The following TANGO6 variants were observed in gnomAD, a reference collection of about 807,000 sequenced individuals.
TANGO6 encodes transport and Golgi organization protein 6 homolog.
Under a neutral mutation model 114.2 loss-of-function variants are expected in TANGO6, and 90 were observed. The ratio of observed to expected loss-of-function variants is 0.79; its 90% confidence interval spans 0.66 to 0.94. The LOEUF (loss-of-function observed/expected upper bound fraction) is 0.94, where lower values mean the gene tolerates loss of function less well. Ranked by LOEUF, TANGO6 falls within the 40% of genes least tolerant of loss-of-function variation. The pLI, the probability that TANGO6 is intolerant of heterozygous loss-of-function variation, is 0.00. For missense variants in TANGO6, 1,274 were observed against 1,315.3 expected, an observed-to-expected ratio of 0.97 and a Z score of 0.49; for synonymous variants, 477 against 509.8, an observed-to-expected ratio of 0.94 and a Z score of 0.87.
chr16:69,004,600 C>T (rs1002467628), intron 15 of TANGO6, among the ~76,000 whole-genome samples: 19 of 152,238 alleles, frequency 1.2e-4, no homozygotes, highest in Non-Finnish European at 2.1e-4. Flanking sequence ...GTGATCCGCC[C>T]GCCTCAACCT....
intron 1 of TANGO6, among the ~76,000 whole-genome samples, chr16:68,851,285 G>A (rs368973150): frequency 3.3e-5 from 5 of 151,772 alleles, no homozygotes; most frequent in Non-Finnish European, 5.9e-5. Context: ...TCAGCCTCCC[G>A]AGTAACTGGG....
At chr16:68,921,607 C>CTTTTTTTTT (rs1167059062) in intron 12 of TANGO6, among the ~76,000 whole-genome samples, 1 of 57,940 alleles carries the variant, frequency 1.7e-5, no homozygotes. Flanking sequence ...TGAGAGTGTG[C>CTTTTTTTTT]TTTTTTTTTT....
At position 68,974,014 on chromosome 16, in the gene TANGO6, G is replaced by T. The variant is rs1567551299; in HGVS notation, c.2702-14G>T. On this transcript the variant is annotated splice_polypyrimidine_tract_variant and intron_variant, in intron 14 of 17. Transcript: ENST00000261778. ...AAACAGTAATGAATCCTTTCTTTTTGTTTTCAACCCCAGGGGTTGCCCTGC... is the reference window on the plus strand; with the variant it reads ...AAACAGTAATGAATCCTTTCTTTTTTTTTTCAACCCCAGGGGTTGCCCTGC... 1.9e-6 allele frequency: 3 copies of T among 1,588,558 alleles called. No individual in the cohort carries two copies. The highest frequency in any genetic ancestry group is 3.7e-5 in the Admixed American group (2 of 54,116).
At chr16:69,024,737 C>T (rs997400754) in intron 16 of TANGO6, among the ~76,000 whole-genome samples, 6 of 152,068 alleles carry the variant, frequency 3.9e-5, no homozygotes, top group African/African-American at 1.4e-4. Flanking sequence ...ATGTACATGA[C>T]CATCTTAAGT....
At chr16:68,973,054 A>T (rs998548871) in intron 14 of TANGO6, 1 of 450,334 alleles carries the variant, frequency 2.2e-6, no homozygotes, top group African/African-American at 2.0e-5. Context: ...TCAGGGAAGA[A>T]GGGAAACCAC....
At chr16:68,952,606 C>A (rs187626866) in intron 14 of TANGO6, among the ~76,000 whole-genome samples, 6 of 152,216 alleles carry the variant, frequency 3.9e-5, no homozygotes, top group Admixed American at 2.6e-4. Context: ...CATCAATTAC[C>A]CCCTCTCAGG....
chr16:69,061,606 A>G lies in TANGO6; in HGVS notation c.3108+21185A>G, dbSNP rs536283376. 2.6e-5 allele frequency among the ~76,000 whole-genome samples: 4 copies of G among 152,268 alleles called. No homozygotes were observed. In the South Asian group the frequency reaches 8.3e-4, roughly 32 times the overall value. On this transcript the variant is annotated intron_variant, in intron 17 of 17. Transcript: ENST00000261778. ...ATTTATATTTATTTATTTAGCTGTC[A>G]AAATTTTAGCATATGTATTTCCTTT...
intron 17 of TANGO6, among the ~76,000 whole-genome samples, chr16:69,058,943 T>C (rs1002455378): frequency 5.3e-5 from 8 of 151,828 alleles, no homozygotes; most frequent in African/African-American, 1.9e-4. Context: ...GTTTTGCTCT[T>C]GTCACCCAGG....
At chr16:68,889,193 A>T (rs111403814) in intron 7 of TANGO6, among the ~76,000 whole-genome samples, 8 of 152,340 alleles carry the variant, frequency 5.3e-5, no homozygotes, top group African/African-American at 1.9e-4. Context: ...GGGAGTTCCC[A>T]TATATCTATC....
intron 7 of TANGO6, among the ~76,000 whole-genome samples, chr16:68,889,236 T>A (rs1962579958): frequency 6.6e-6 from 1 of 152,230 alleles, no homozygotes; most frequent in East Asian, 1.9e-4. Context: ...TTACAATTGA[T>A]GAGCCCACCT....
intron 9 of TANGO6, among the ~76,000 whole-genome samples, chr16:68,905,190 A>C (rs948624488): frequency 1.3e-5 from 2 of 151,434 alleles, no homozygotes; most frequent in African/African-American, 4.9e-5. Flanking sequence ...AGATTGTGCC[A>C]TTGCACTCCA....
chr16:69,016,055 C>T (rs1009820495), intron 15 of TANGO6, among the ~76,000 whole-genome samples: 1 of 152,132 alleles, frequency 6.6e-6, no homozygotes, highest in Non-Finnish European at 1.5e-5. Flanking sequence ...TTGTCAACTC[C>T]CCCGCTCCTT....
At chr16:68,864,839 G>A (rs1423042832) in intron 3 of TANGO6, among the ~76,000 whole-genome samples, 2 of 152,128 alleles carry the variant, frequency 1.3e-5, no homozygotes, top group African/African-American at 2.4e-5. Flanking sequence ...TTCCTTGTAA[G>A]TCCCTTTTGA....
At chr16:68,993,873 T>A (rs1963967601) in intron 15 of TANGO6, among the ~76,000 whole-genome samples, 1 of 152,212 alleles carries the variant, frequency 6.6e-6, no homozygotes, top group African/African-American at 2.4e-5. Flanking sequence ...TCCTGATTAT[T>A]ACATTTCTGG....
chr16:68,982,250 G>A (rs1180579934), intron 15 of TANGO6, among the ~76,000 whole-genome samples: 1 of 152,016 alleles, frequency 6.6e-6, no homozygotes, highest in Non-Finnish European at 1.5e-5. Flanking sequence ...AACTCCTAGG[G>A]GCCTCATTAT....
At chr16:69,005,535 TAATCTCAGGAGGCC>T (rs762055992) in intron 15 of TANGO6, among the ~76,000 whole-genome samples, 2 of 152,132 alleles carry the variant, frequency 1.3e-5, no homozygotes, top group Non-Finnish European at 2.9e-5. Context: ...CTCATGCCTG[TAATCTCAGGAGGCC>T]AATCCCAGGA....
chr16:68,860,357 G>A lies in TANGO6; in HGVS notation c.568G>A (p.Asp190Asn), dbSNP rs779825835. 1.2e-5 allele frequency: 19 copies of A among 1,613,800 alleles called. No homozygotes were observed. The highest frequency in any genetic ancestry group is 7.7e-5 in the South Asian group (7 of 91,088). Residue 190 changes from aspartate to asparagine, a missense_variant, in exon 2 of 18, where the codon GAT (aspartate) becomes AAT (asparagine). Physicochemically the swap from Asp to Asn is conservative, Grantham distance 23. Around this residue, in one of 5 missense-constraint regions of TANGO6, gnomAD observed 908 missense variants for 910.2 expected, o/e 1.00. Coordinates refer to ENST00000261778, the MANE Select transcript of TANGO6 (RefSeq NM_024562.2). ...QDVVCFDAAPDATRRLYTSCK... is the reference protein window; with the variant it reads ...QDVVCFDAAPNATRRLYTSCK... ...CGTGGTGTGTTTTGATGCTGCCCCC[G>A]ATGCAACTCGAAGACTGTACACCAG... is the stretch of plus-strand genomic sequence containing the variant.
intron 17 of TANGO6, among the ~76,000 whole-genome samples, chr16:69,078,481 C>A (rs1166631052): frequency 6.6e-6 from 1 of 152,176 alleles, no homozygotes; most frequent in East Asian, 1.9e-4. Flanking sequence ...CATTTCCATT[C>A]GCCATCTCCA....
chr16:68,980,247 T>TC (rs1452932069), intron 15 of TANGO6, among the ~76,000 whole-genome samples: 1 of 151,278 alleles, frequency 6.6e-6, no homozygotes, highest in Non-Finnish European at 1.5e-5. Context: ...ATTTTCTTTT[T>TC]CATTTTGTTT....
Sources: allele counts gnomAD v4.1 joint callset (sites outside exome capture counted in the v4.1 genomes callset), GRCh38; gene constraint gnomAD v4.1.1; regional missense constraint gnomAD v4.1.1; transcripts MANE v1.5; gene names NCBI Gene and HGNC (gene_info 2026-07-23, HGNC 2026-07-21).